BTBD9: variants seen among roughly 807,000 people sequenced by gnomAD.
BTBD9 encodes BTB domain containing 9, also known as BTB/POZ domain-containing protein 9.
Under a neutral mutation model 64.3 loss-of-function variants are expected in BTBD9, and 49 were observed. The ratio of observed to expected loss-of-function variants is 0.76; its 90% CI spans 0.61 to 0.97. The LOEUF is 0.97. Among genes scored for constraint, BTBD9 ranks in the 50% least tolerant of loss-of-function variants. BTBD9 has a pLI of 0.00. For synonymous variants in BTBD9, 260 were observed against 274.7 expected (o/e 0.95, Z 0.53); for missense variants, 598 against 762.1 (o/e 0.78, Z 2.53).
intron 9 of BTBD9, among the ~76,000 whole-genome samples, chr6:38,250,141 T>G (rs1764342991): frequency 6.6e-6 from 1 of 152,108 alleles, no homozygotes; most frequent in Non-Finnish European, 1.5e-5. Context: ...AAGGTCAATA[T>G]CTTAAGAAAA....
chr6:38,376,224 G>T (rs1765692860), intron 6 of BTBD9, among the ~76,000 whole-genome samples: 1 of 152,132 alleles, frequency 6.6e-6, no homozygotes, highest in Non-Finnish European at 1.5e-5. Context: ...GGCTCACAGG[G>T]AATGATTTAA....
At chr6:38,505,964 C>CAACAAAAAAAAAAAAA (rs1175511241) in intron 6 of BTBD9, among the ~76,000 whole-genome samples, 1 of 82,628 alleles carries the variant, frequency 1.2e-5, no homozygotes, top group African/African-American at 4.1e-5. Flanking sequence ...TCCGTCTCAA[C>CAACAAAAAAAAAAAAA]AAAAAAAAAA....
At position 38,580,200 on chromosome 6, in the gene BTBD9, G is replaced by T. The variant is rs1413919042; in HGVS notation, c.1034+18C>A. 1 of 1,606,142 alleles carries T rather than the reference G, an allele frequency of 6.2e-7. No individual in the cohort carries two copies. The highest frequency in any genetic ancestry group is 8.5e-7 in the Non-Finnish European group (1 of 1,173,282). On this transcript the variant is annotated intron_variant, in intron 5 of 10. Coordinates refer to ENST00000481247, the MANE Select transcript of BTBD9 (RefSeq NM_001099272.2). The stretch of plus-strand genomic sequence containing the variant: ...TCTCAAACATAATGTCAGTTTCTAA[G>T]TCATGCTAATCACTTACCGGCTATC...
At chr6:38,624,002 A>G (rs1360413884) in intron 1 of BTBD9, among the ~76,000 whole-genome samples, 2 of 152,116 alleles carry the variant, frequency 1.3e-5, no homozygotes, top group Non-Finnish European at 2.9e-5. Context: ...CCAGTTCCCA[A>G]CGGCAGTTTG....
chr6:38,303,352 T>C (rs1435966984), intron 7 of BTBD9, among the ~76,000 whole-genome samples: 1 of 148,124 alleles, frequency 6.8e-6, no homozygotes, highest in East Asian at 1.9e-4. Context: ...GCGTGATGAA[T>C]ATGCGACTGT....
At chr6:38,518,057 T>C (rs371083127) in intron 6 of BTBD9, among the ~76,000 whole-genome samples, 62 of 152,258 alleles carry the variant, frequency 4.1e-4, no homozygotes, top group Middle Eastern at 3.4e-3. Flanking sequence ...TAGAAAAATA[T>C]TAAACACCTA....
chr6:38,568,566 CCTTG>C (rs1408507471), intron 6 of BTBD9, among the ~76,000 whole-genome samples: 1 of 152,158 alleles, frequency 6.6e-6, no homozygotes, highest in East Asian at 1.9e-4. Context: ...TCTGTTCCTT[CCTTG>C]CTTCAGGATT....
At chr6:38,182,252 G>A (rs1761590705) in intron 10 of BTBD9, among the ~76,000 whole-genome samples, 1 of 152,142 alleles carries the variant, frequency 6.6e-6, no homozygotes, top group Non-Finnish European at 1.5e-5. Flanking sequence ...ATGCTTGGAA[G>A]GTTCTGGAAG....
At position 38,193,436 on chromosome 6, in the gene BTBD9, A is replaced by G. The variant is rs529356809; in HGVS notation, c.1563-839T>C. Reference sequence around the variant, plus strand: ...CAAAACGCTGCCCCCGACACTGTCTATTCTTAAGACTGGCCTGACTCTGTC... The same window carrying G: ...CAAAACGCTGCCCCCGACACTGTCTGTTCTTAAGACTGGCCTGACTCTGTC... On this transcript the variant is annotated intron_variant, in intron 9 of 10. Transcript: ENST00000481247. Among the ~76,000 whole-genome samples the G allele has an allele frequency of 7.2e-5, 11 of 152,196 alleles. No homozygotes were observed. In the South Asian group the frequency reaches 1.9e-3, roughly 26 times the overall value.
chr6:38,213,205 T>G (rs1582059843), intron 9 of BTBD9, among the ~76,000 whole-genome samples: 1 of 152,220 alleles, frequency 6.6e-6, no homozygotes, highest in East Asian at 1.9e-4. Context: ...ACTAAACCCC[T>G]GTGGGTATTT....
chr6:38,406,725 A>C (rs1219125480), intron 6 of BTBD9, among the ~76,000 whole-genome samples: 1 of 152,138 alleles, frequency 6.6e-6, no homozygotes, highest in African/African-American at 2.4e-5. Flanking sequence ...AGGACAAAGT[A>C]CTTTCTTATT....
intron 7 of BTBD9, among the ~76,000 whole-genome samples, chr6:38,315,730 A>G (rs374921335): frequency 6.6e-6 from 1 of 152,176 alleles, no homozygotes; most frequent in Non-Finnish European, 1.5e-5. Context: ...GCGGCCTAAG[A>G]TATGGTCTGT....
In BTBD9 at chr6:38,528,056, C is replaced by G. The variant is rs973742385; in HGVS notation, c.1154+49544G>C. On this transcript the variant is annotated intron_variant, in intron 6 of 10. Coordinates refer to ENST00000481247, the MANE Select transcript of BTBD9 (RefSeq NM_001099272.2). The stretch of plus-strand genomic sequence containing the variant: ...TTGAATCACCTACAACATCCCTTCC[C>G]CATTCCCCAGTAGTGGCCATGGCCA... Among the ~76,000 whole-genome samples, 6 of 152,164 alleles carry G rather than the reference C, an allele frequency of 3.9e-5. No individual in the cohort carries two copies. The East Asian group carries it at 1.2e-3, about 29-fold the overall frequency.
intron 9 of BTBD9, among the ~76,000 whole-genome samples, chr6:38,193,645 C>T (rs1020153446): frequency 5.9e-5 from 9 of 152,138 alleles, no homozygotes; most frequent in Non-Finnish European, 1.2e-4. Context: ...ATGGCACCCA[C>T]GACTGTAAAC....
chr6:38,557,364 A>C (rs774821371), intron 6 of BTBD9, among the ~76,000 whole-genome samples: 1 of 152,134 alleles, frequency 6.6e-6, no homozygotes, highest in Non-Finnish European at 1.5e-5. Flanking sequence ...TAAATAAATA[A>C]ATAATAAAAA....
At chr6:38,428,461 G>A (rs1001542834) in intron 6 of BTBD9, among the ~76,000 whole-genome samples, 2 of 149,452 alleles carry the variant, frequency 1.3e-5, no homozygotes, top group East Asian at 2.0e-4. Flanking sequence ...GCATGATCGC[G>A]GCTCACTGCA....
chr6:38,610,805 T>A (rs1353906296), intron 1 of BTBD9, among the ~76,000 whole-genome samples: 2 of 152,020 alleles, frequency 1.3e-5, no homozygotes, highest in Non-Finnish European at 2.9e-5. Flanking sequence ...GAGGTCAGTT[T>A]GGCAGTCTAT....
intron 6 of BTBD9, among the ~76,000 whole-genome samples, chr6:38,351,505 T>G (rs866267095): frequency 2.7e-4 from 23 of 84,180 alleles, no homozygotes; most frequent in African/African-American, 8.8e-4. Context: ...TTAATTGTTG[T>G]TGTTTTTTTT....
At chr6:38,340,035 C>T (rs1191772035) in intron 7 of BTBD9, among the ~76,000 whole-genome samples, 1 of 152,032 alleles carries the variant, frequency 6.6e-6, no homozygotes, top group Non-Finnish European at 1.5e-5. Flanking sequence ...TACTGTATCA[C>T]TGATAACCAA....
Sources: gnomAD v4.1 joint callset for allele counts (sites outside exome capture counted in the v4.1 genomes callset) on GRCh38, gnomAD v4.1.1 for gene constraint, MANE v1.5 for transcripts, NCBI Gene and HGNC (gene_info 2026-07-23, HGNC 2026-07-21) for gene names.